The following PCDH1 variants were observed in gnomAD, a reference collection of about 807,000 sequenced individuals.
PCDH1 encodes the protein protocadherin 1.
A neutral mutation model predicts 74.6 loss-of-function variants in PCDH1; 23 were observed. That is an observed-to-expected ratio of 0.31 (90% CI 0.22 to 0.44). The LOEUF is 0.44. Ranked by LOEUF, PCDH1 falls within the 20% of genes least tolerant of loss-of-function variation. The pLI, the probability that PCDH1 is intolerant of heterozygous loss-of-function variation, is 1.00. For synonymous variants in PCDH1, 647 were observed against 686.1 expected (o/e 0.94, Z 0.89); for missense variants, 1,214 against 1,641.4 (o/e 0.74, Z 4.50).
intron 3 of PCDH1, among the ~76,000 whole-genome samples, chr5:141,860,785 C>CT (rs757655339): frequency 5.2e-4 from 79 of 152,282 alleles, no homozygotes; most frequent in Middle Eastern, 3.4e-3. Context: ...ACACAAAGTG[C>CT]TTAGCATGGT....
chr5:141,874,890 C>T (rs1753181306), intron 1 of PCDH1, among the ~76,000 whole-genome samples: 1 of 152,226 alleles, frequency 6.6e-6, no homozygotes, highest in Non-Finnish European at 1.5e-5. Flanking sequence ...GAACAGAAGC[C>T]TCCCACAGAG....
At chr5:141,871,997 C>T (rs1240737974) in intron 1 of PCDH1, among the ~76,000 whole-genome samples, 2 of 152,202 alleles carry the variant, frequency 1.3e-5, no homozygotes, top group Non-Finnish European at 2.9e-5. Flanking sequence ...AAACACATCC[C>T]CTCCTCTGTA....
Position 141,857,457 on chromosome 5 carries a change from G to A in PCDH1, c.3114C>T (p.Arg1038=), listed in dbSNP as rs751532299. The A allele has an allele frequency of 2.4e-5, 38 of 1,613,492 alleles. No individual in the cohort carries two copies. The highest frequency in any genetic ancestry group is 1.6e-4 in the Middle Eastern group (1 of 6,074). Residue 1038 remains arginine (R), a synonymous_variant, in exon 4 of 5, where the codon CGC becomes CGT. Transcript: ENST00000287008. The part of the protein sequence containing the change: ...KYPSKQLPHR[R]VTFSATSQAQ... ...CCTGGCTGGTGGCCGAGAAGGTGAC[G>A]CGGCGGTGAGGTAACTGCAGGGAGA...
Position 141,878,289 on chromosome 5 carries a change from T to A in PCDH1, c.-27A>T. 8.0e-7 allele frequency: 1 copy of A among 1,251,238 alleles called. No individual in the cohort carries two copies. Among genetic ancestry groups the A allele is most frequent in the Non-Finnish European group, 1.0e-6 (1 of 1,001,278 alleles). The allele number at this position is 1,251,238 out of a possible 1,614,324, so 77.5% of individuals were successfully genotyped here. A position where few individuals can be genotyped will look rare whatever the true frequency, so the allele number is the denominator to read the frequency against. ...AGCCGCCGCCGGCCCCGGCCTGGGCTGCGGCTCCGCACGGCTGGGGCTGGA... is the reference window on the plus strand; with the variant it reads ...AGCCGCCGCCGGCCCCGGCCTGGGCAGCGGCTCCGCACGGCTGGGGCTGGA... On this transcript the variant is annotated 5_prime_UTR_variant, in exon 1 of 5. Coordinates refer to ENST00000287008, the MANE Select transcript of PCDH1 (RefSeq NM_032420.5). The surrounding 1 kb of genome is among the most constrained non-coding windows in gnomAD (Gnocchi z 5.5).
chr5:141,856,096 G>A, intron 4 of PCDH1: 2 of 889,486 alleles, frequency 2.2e-6, no homozygotes, highest in Non-Finnish European at 3.5e-6. Flanking sequence ...AAGTGCCAAG[G>A]CTCTACAGCT....
At chr5:141,866,849 C>G (rs1000204620) in intron 2 of PCDH1, among the ~76,000 whole-genome samples, 2 of 152,206 alleles carry the variant, frequency 1.3e-5, no homozygotes, top group African/African-American at 4.8e-5. Context: ...TCCTACCCGC[C>G]TGCCTCTGAA....
At position 141,865,066 on chromosome 5, in the gene PCDH1, C is replaced by T. The variant is rs750808211; in HGVS notation, c.1265G>A (p.Arg422Gln). The T allele has an allele frequency of 5.6e-6, 9 of 1,614,174 alleles. No homozygotes were observed. In the East Asian group the frequency reaches 6.7e-5, roughly 12 times the overall value. Residue 422 changes from arginine to glutamine, a missense_variant, in exon 3 of 5, where the codon CGA becomes CAA. Coordinates refer to ENST00000287008, the MANE Select transcript of PCDH1 (RefSeq NM_032420.5). The surrounding 1 kb of genome is among the most constrained non-coding windows in gnomAD (Gnocchi z 4.4). ...GACAGCTGCATTCTCTCCCTCATCT[C>T]GGTCAGACACCTGCACCAGGGCCAC... is the stretch of plus-strand genomic sequence containing the variant. ...TAVALVQVSD[R>Q]DEGENAAVTC...
intron 4 of PCDH1, among the ~76,000 whole-genome samples, chr5:141,856,561 A>G (rs961152909): frequency 2.7e-4 from 41 of 152,094 alleles, no homozygotes; most frequent in Middle Eastern, 3.4e-3. Flanking sequence ...GACTTCACAC[A>G]TGCACACGCA....
chr5:141,863,141 T>G lies in PCDH1; in HGVS notation c.3099+91A>C. 6.8e-7 allele frequency: 1 copy of G among 1,469,174 alleles called. No individual in the cohort carries two copies. The highest frequency in any genetic ancestry group is 2.3e-5 in the East Asian group (1 of 43,020). 91.0% of individuals were successfully genotyped at this position (1,469,174 alleles called of 1,614,324 possible). ...CCAACACGGGCAGGCACAGTAAACCTGCTCCATCACTCCCACACCTCGGTC... is the reference window on the plus strand; with the variant it reads ...CCAACACGGGCAGGCACAGTAAACCGGCTCCATCACTCCCACACCTCGGTC... On this transcript the variant is annotated intron_variant, in intron 3 of 4. Coordinates refer to ENST00000287008, the MANE Select transcript of PCDH1 (RefSeq NM_032420.5). This position sits in a 1 kb window ranked among gnomAD's most constrained non-coding sequence, Gnocchi z 7.5.
chr5:141,854,667 T>C (rs1752259501), intron 4 of PCDH1, among the ~76,000 whole-genome samples: 1 of 152,096 alleles, frequency 6.6e-6, no homozygotes, highest in South Asian at 2.1e-4. Context: ...CTATCTTTTT[T>C]CTTTTTCTTT....
rs186780646 is a variant in PCDH1, at chr5:141,863,322, G to A, written c.3009C>T (p.Phe1003=). The A allele has an allele frequency of 1.3e-5, 20 of 1,550,058 alleles. 1 individual carries two copies. In the Admixed American group the frequency reaches 1.4e-4, roughly 10 times the overall value. The change falls in exon 3 of 5, where the codon TTC becomes TTT. Residue 1003 remains phenylalanine (F), a synonymous_variant. Transcript: ENST00000287008. The surrounding 1 kb of genome is among the most constrained non-coding windows in gnomAD (Gnocchi z 7.5). ...TGGACGTGGTGTCCCCGGTGCCCAC[G>A]AATGTGTTTGCAGGTGGCAGGTCCT... ...VVQDLPPANT[F]VGTGDTTSTG... is the part of the protein sequence containing the mutation.
chr5:141,874,558 A>G (rs567925753), intron 1 of PCDH1, among the ~76,000 whole-genome samples: 23 of 152,328 alleles, frequency 1.5e-4, no homozygotes, highest in African/African-American at 5.5e-4. Context: ...AGGGATAAGG[A>G]GGGGACGGAG....
chr5:141,871,329 T>A (rs763657424), intron 1 of PCDH1, among the ~76,000 whole-genome samples: 1 of 152,248 alleles, frequency 6.6e-6, no homozygotes, highest in Non-Finnish European at 1.5e-5. Context: ...ACAAGACTGG[T>A]CCAATCTGCC....
intron 1 of PCDH1, among the ~76,000 whole-genome samples, chr5:141,873,940 G>T (rs1478276496): frequency 6.6e-6 from 1 of 152,140 alleles, no homozygotes; most frequent in Non-Finnish European, 1.5e-5. Flanking sequence ...TCAAATGGGG[G>T]CTGAGAAAGA....
chr5:141,857,179 G>T, intron 4 of PCDH1, 73 bp downstream of exon 4: 1 of 1,261,830 alleles, frequency 7.9e-7, no homozygotes, highest in Non-Finnish European at 1.1e-6. Flanking sequence ...TAGATGATTT[G>T]TTTAAGGCCT....
intron 1 of PCDH1, among the ~76,000 whole-genome samples, chr5:141,873,132 C>CTT (rs879505435): frequency 3.5e-5 from 5 of 144,766 alleles, no homozygotes; most frequent in African/African-American, 1.3e-4. Context: ...CCTGCAAACT[C>CTT]TTTTTTTTTT....
At chr5:141,872,131 C>A (rs935370308) in intron 1 of PCDH1, among the ~76,000 whole-genome samples, 32 of 143,904 alleles carry the variant, frequency 2.2e-4, no homozygotes, top group African/African-American at 6.5e-4. Flanking sequence ...ACCCCCCACC[C>A]CCCCCCTCCA....
Position 141,865,901 on chromosome 5 carries a change from T to C in PCDH1, c.904-474A>G, listed in dbSNP as rs1752805915. Among the ~76,000 whole-genome samples the C allele has an allele frequency of 6.6e-6, 1 of 152,212 alleles. No individual in the cohort carries two copies. The highest frequency in any genetic ancestry group is 1.5e-5 in the Non-Finnish European group (1 of 68,030). On this transcript the variant is annotated intron_variant, in intron 2 of 4. Coordinates refer to ENST00000287008, the MANE Select transcript of PCDH1 (RefSeq NM_032420.5). This position sits in a 1 kb window ranked among gnomAD's most constrained non-coding sequence, Gnocchi z 4.4. Reference sequence around the variant, plus strand: ...ATGCACGCACGCATGCACATATGTATGTGTATGATTGTGTCAGAATGTGTG... The same window carrying C: ...ATGCACGCACGCATGCACATATGTACGTGTATGATTGTGTCAGAATGTGTG...
At position 141,860,241 on chromosome 5, in the gene PCDH1, G is replaced by A. The variant is rs958555262; in HGVS notation, c.3100-2770C>T. Among the ~76,000 whole-genome samples, 3 of 152,286 alleles carry A rather than the reference G, an allele frequency of 2.0e-5. No individual in the cohort carries two copies. In the East Asian group the frequency reaches 5.8e-4, roughly 29 times the overall value. On this transcript the variant is annotated intron_variant, in intron 3 of 4. Coordinates refer to ENST00000287008, the MANE Select transcript of PCDH1 (RefSeq NM_032420.5). ...GGTAAACAAAATTGGGGCCAGGCAC[G>A]GCAGCTCACACCTGTCATCCAAGCA...
Sources: gnomAD v4.1 joint callset for allele counts (sites outside exome capture counted in the v4.1 genomes callset) on GRCh38, gnomAD v4.1.1 for gene constraint, Gnocchi (gnomAD v3.1) non-coding constraint, MANE v1.5 for transcripts, NCBI Gene and HGNC (gene_info 2026-07-23, HGNC 2026-07-21) for gene names.